Variants in RBFOX1 observed in about 807,000 individuals in gnomAD.
RBFOX1 encodes RNA binding protein fox-1 homolog 1.
RBFOX1 carries 8 observed loss-of-function variants against 57.7 expected under a neutral mutation model. The ratio of observed to expected loss-of-function variants is 0.14; its 90% CI spans 0.08 to 0.25. RBFOX1 has a LOEUF of 0.25. Among genes scored for constraint, RBFOX1 ranks in the 10% least tolerant of loss-of-function variants. The probability of loss-of-function intolerance (pLI) is 1.00; values close to 1 mark genes in which losing one functional copy is unlikely to be tolerated. For missense variants in RBFOX1, 611 were observed against 548.5 expected (o/e 1.11, Z -1.14); for synonymous variants, 326 against 222.4 (o/e 1.47, Z -4.15).
chr16:5,502,000 G>C (rs2151700108), intron 2 of RBFOX1, among the ~76,000 whole-genome samples: 1 of 152,122 alleles, frequency 6.6e-6, no homozygotes, highest in South Asian at 2.1e-4. Flanking sequence ...TGGGATTACA[G>C]GCATGAGCCA....
At chr16:7,069,422 C>T in intron 4 of RBFOX1, among the ~76,000 whole-genome samples, 1 of 152,168 alleles carries the variant, frequency 6.6e-6, no homozygotes, top group East Asian at 1.9e-4. Context: ...TGTTCAGCTC[C>T]TACTTACAAG....
chr16:6,812,576 C>T (rs565004380), intron 3 of RBFOX1, among the ~76,000 whole-genome samples: 5 of 152,132 alleles, frequency 3.3e-5, no homozygotes, highest in East Asian at 3.9e-4. Flanking sequence ...AGGGTTTCAG[C>T]GTGTTGGCCA....
chr16:6,835,230 G>A lies in RBFOX1; in HGVS notation c.-16+180580G>A, dbSNP rs773440119. On this transcript the variant is annotated intron_variant, in intron 3 of 15. Transcript: ENST00000550418. The stretch of plus-strand genomic sequence containing the variant: ...TGACTTCTCTTGTGAAGATGGCTCC[G>A]TTAGTGAGCGCTGTGGACTAAGATC... Among the ~76,000 whole-genome samples, 13 of 152,090 alleles carry A rather than the reference G, an allele frequency of 8.5e-5. 1 individual carries two copies. The highest frequency in any genetic ancestry group is 4.2e-4 in the South Asian group (2 of 4,812).
intron 3 of RBFOX1, among the ~76,000 whole-genome samples, chr16:7,017,141 C>T (rs903163074): frequency 1.3e-5 from 2 of 152,068 alleles, no homozygotes; most frequent in African/African-American, 2.4e-5. Context: ...AAAAGCAAAA[C>T]AGCTGTTAAG....
At chr16:6,686,372 C>T (rs769563835) in intron 3 of RBFOX1, among the ~76,000 whole-genome samples, 1 of 152,164 alleles carries the variant, frequency 6.6e-6, no homozygotes, top group African/African-American at 2.4e-5. Flanking sequence ...TTCAGGAAGC[C>T]TGTGGGCCAT....
downstream of RBFOX1, among the ~76,000 whole-genome samples, chr16:5,600,714 T>A (rs992430285): frequency 1.3e-5 from 2 of 152,070 alleles, no homozygotes; most frequent in African/African-American, 4.8e-5. Flanking sequence ...ATTTTTATAA[T>A]AAACCTCATT....
chr16:6,373,612 GCAAA>G, intron 2 of RBFOX1, among the ~76,000 whole-genome samples: 1 of 151,646 alleles, frequency 6.6e-6, no homozygotes, highest in Non-Finnish European at 1.5e-5. Context: ...AGGATGGTTG[GCAAA>G]ATCTTTGAGT....
At chr16:5,817,820 A>T (rs1356331694) in intron 3 of RBFOX1, among the ~76,000 whole-genome samples, 1 of 151,604 alleles carries the variant, frequency 6.6e-6, no homozygotes, top group African/African-American at 2.4e-5. Flanking sequence ...CAGCCTCAGT[A>T]GCTGGGACTA....
In RBFOX1 at chr16:7,289,653, C is replaced by T. The variant is rs368582829; in HGVS notation, c.28-228494C>T. On this transcript the variant is annotated intron_variant, in intron 4 of 15. Coordinates refer to ENST00000550418, the MANE Select transcript of RBFOX1 (RefSeq NM_018723.4). ...CCATGATCATGATCATCATCAGCAT[C>T]ACCACCCCCACCATCATCATTATCA... Among the ~76,000 whole-genome samples, 78 of 152,296 alleles carry T rather than the reference C, an allele frequency of 5.1e-4. No homozygotes were observed. In the Middle Eastern group the frequency reaches 0.024, roughly 46 times the overall value.
At chr16:6,680,294 T>TTTTG (rs60731674) in intron 3 of RBFOX1, among the ~76,000 whole-genome samples, 41 of 103,034 alleles carry the variant, frequency 4.0e-4, no homozygotes, top group African/African-American at 7.9e-4. Flanking sequence ...TTTTTTTTTT[T>TTTTG]ATTTGTCGCC....
intron 2 of RBFOX1, among the ~76,000 whole-genome samples, chr16:6,588,216 C>G (rs756120757): frequency 2.7e-4 from 40 of 149,050 alleles, no homozygotes; most frequent in Middle Eastern, 7.1e-3. Flanking sequence ...GGGCACAGAG[C>G]AAGACTGTGT....
At chr16:6,705,243 C>A (rs905344556) in intron 3 of RBFOX1, 2 of 152,142 alleles carry the variant, frequency 1.3e-5, no homozygotes, top group Non-Finnish European at 2.9e-5. Context: ...AGTGGGACTG[C>A]AACTCCAGTG....
At chr16:5,573,642 G>A (rs748607564) in intron 2 of RBFOX1, among the ~76,000 whole-genome samples, 33 of 152,074 alleles carry the variant, frequency 2.2e-4, no homozygotes, top group Non-Finnish European at 4.3e-4. Flanking sequence ...CCCTTTCCCC[G>A]TCCAGGCATC....
intron 4 of RBFOX1, among the ~76,000 whole-genome samples, chr16:7,098,738 T>C (rs2062125799): frequency 6.6e-6 from 1 of 152,080 alleles, no homozygotes; most frequent in Non-Finnish European, 1.5e-5. Flanking sequence ...TCATTTGAGC[T>C]CAGGAGTTTG....
intron 2 of RBFOX1, among the ~76,000 whole-genome samples, chr16:6,521,092 C>T (rs939406365): frequency 2.6e-5 from 4 of 152,106 alleles, no homozygotes; most frequent in Admixed American, 6.5e-5. Context: ...CGGCTGACGA[C>T]AATCAGGCAG....
chr16:6,011,666 C>G (rs748257727), intron 4 of RBFOX1, among the ~76,000 whole-genome samples: 1 of 152,138 alleles, frequency 6.6e-6, no homozygotes, highest in Non-Finnish European at 1.5e-5. Flanking sequence ...ATGTAATGAC[C>G]TCTTGCTGCT....
intron 3 of RBFOX1, among the ~76,000 whole-genome samples, chr16:6,791,829 A>C (rs1345255284): frequency 6.6e-6 from 1 of 152,172 alleles, no homozygotes; most frequent in African/African-American, 2.4e-5. Context: ...TCATACCTCC[A>C]GGAAGGTGGT....
intron 12 of RBFOX1, among the ~76,000 whole-genome samples, chr16:7,663,862 A>G (rs1158098869): frequency 1.3e-5 from 2 of 152,240 alleles, no homozygotes; most frequent in Non-Finnish European, 2.9e-5. Context: ...CTTAGGAAAT[A>G]CAAATCAGTT....
At chr16:7,062,190 G>C (rs928285887) in intron 4 of RBFOX1, among the ~76,000 whole-genome samples, 2 of 151,600 alleles carry the variant, frequency 1.3e-5, no homozygotes, top group Non-Finnish European at 2.9e-5. Context: ...ATGGTGGCGG[G>C]TGCCTGCAGT....
Sources: gnomAD v4.1 joint callset for allele counts (sites outside exome capture counted in the v4.1 genomes callset) on GRCh38, gnomAD v4.1.1 for gene constraint, MANE v1.5 for transcripts, NCBI Gene and HGNC (gene_info 2026-07-23, HGNC 2026-07-21) for gene names.